The following CTNNA3 variants were observed in gnomAD, a reference collection of about 807,000 sequenced individuals.
CTNNA3 encodes the protein catenin alpha 3, also known as catenin alpha-3.
In CTNNA3, 76 loss-of-function variants were observed where a neutral mutation model predicts 95.7. The ratio of observed to expected loss-of-function variants is 0.79; its 90% CI spans 0.66 to 0.96. CTNNA3 has a LOEUF of 0.96. Ranked by LOEUF, CTNNA3 falls within the 40% of genes least tolerant of loss-of-function variation. CTNNA3 has a pLI of 0.00. For synonymous variants in CTNNA3, 431 were observed against 374.4 expected (o/e 1.15, Z -1.74); for missense variants, 1,191 against 1,089.8 (o/e 1.09, Z -1.31).
At chr10:67,219,509 T>C in intron 6 of CTNNA3, 98 bp downstream of exon 6, 2 of 1,349,362 alleles carry the variant, frequency 1.5e-6, no homozygotes, top group Non-Finnish European at 2.0e-6. Context: ...TTTTATTTTC[T>C]CATGCTCTAA....
chr10:67,437,372 T>G (rs1316420518), intron 5 of CTNNA3, among the ~76,000 whole-genome samples: 1 of 152,094 alleles, frequency 6.6e-6, no homozygotes, highest in Middle Eastern at 3.2e-3. Flanking sequence ...TGGTGCAGTG[T>G]ATACTGCTTG....
At chr10:66,352,512 G>A (rs1360851716) in intron 12 of CTNNA3, among the ~76,000 whole-genome samples, 1 of 152,108 alleles carries the variant, frequency 6.6e-6, no homozygotes, top group African/African-American at 2.4e-5. Context: ...GTGGTTCTCA[G>A]CACTGCATTG....
At position 65,920,303 on chromosome 10, in the gene CTNNA3, A is replaced by G. The variant is rs1554814598; in HGVS notation, c.*27T>C. ...GTGTGGTTAGGCAGGATTTTGTCAT[A>G]TAGGCACTATATGTAGAATAGTGGT... On this transcript the variant is annotated 3_prime_UTR_variant, in exon 18 of 18. Transcript: ENST00000433211. The G allele has an allele frequency of 6.3e-7, 1 of 1,583,816 alleles. No individual in the cohort carries two copies. Among genetic ancestry groups the G allele is most frequent in the Admixed American group, 1.7e-5 (1 of 57,664 alleles).
At chr10:67,031,596 G>A (rs114271977) in intron 7 of CTNNA3, among the ~76,000 whole-genome samples, 1,853 of 152,242 alleles carry the variant, frequency 0.012, 49 homozygotes, top group African/African-American at 0.043. Context: ...CAGCACTTTT[G>A]CAGAAGTCAG....
At chr10:67,720,477 T>G (rs985965279) in intron 1 of CTNNA3, among the ~76,000 whole-genome samples, 1 of 152,082 alleles carries the variant, frequency 6.6e-6, no homozygotes, top group East Asian at 1.9e-4. Context: ...TGGTATGTTT[T>G]TACAGTAGCT....
intron 12 of CTNNA3, among the ~76,000 whole-genome samples, chr10:66,303,724 C>A (rs59697768): frequency 0.023 from 3,443 of 152,088 alleles, 138 homozygotes; most frequent in African/African-American, 0.079. Flanking sequence ...AACCTCCTGT[C>A]CCCGGGTTCA....
At position 66,391,539 on chromosome 10, in the gene CTNNA3, T is replaced by C. The variant is rs1280869507; in HGVS notation, c.1532-12187A>G. On this transcript the variant is annotated intron_variant, in intron 11 of 17. Transcript: ENST00000433211. ...TGTGTATCTTTGTTCCACTTGCTATTAGTGTCGATCAGGATATTTTAAAAC... is the reference window on the plus strand; with the variant it reads ...TGTGTATCTTTGTTCCACTTGCTATCAGTGTCGATCAGGATATTTTAAAAC... Among the ~76,000 whole-genome samples the C allele has an allele frequency of 5.9e-5, 9 of 152,220 alleles. No homozygotes were observed. The East Asian group carries it at 1.7e-3, about 29-fold the overall frequency.
Position 66,413,123 on chromosome 10 carries a change from C to G in CTNNA3, c.1532-33771G>C, listed in dbSNP as rs150125091. 7.6e-4 allele frequency among the ~76,000 whole-genome samples: 115 copies of G among 152,190 alleles called. 2 individuals carry two copies. The East Asian group carries it at 0.02, about 26-fold the overall frequency. ...TCTATCTTGTAAATGCACAGACACACACACATTGTATACAGTTTTATGTAG... is the reference window on the plus strand; with the variant it reads ...TCTATCTTGTAAATGCACAGACACAGACACATTGTATACAGTTTTATGTAG... On this transcript the variant is annotated intron_variant, in intron 11 of 17. Transcript: ENST00000433211.
At chr10:67,114,454 TTATTAA>T (rs2131977724) in intron 7 of CTNNA3, among the ~76,000 whole-genome samples, 1 of 152,230 alleles carries the variant, frequency 6.6e-6, no homozygotes, top group Non-Finnish European at 1.5e-5. Context: ...TTTAATTGAA[TTATTAA>T]TATTAAAGCT....
intron 9 of CTNNA3, among the ~76,000 whole-genome samples, chr10:66,716,191 C>T (rs1025280117): frequency 5.3e-5 from 8 of 151,974 alleles, no homozygotes; most frequent in East Asian, 1.9e-4. Flanking sequence ...ATATACTTAT[C>T]GTGTACAAAT....
intron 5 of CTNNA3, among the ~76,000 whole-genome samples, chr10:67,283,634 T>C (rs1204845867): frequency 1.3e-5 from 2 of 152,110 alleles, no homozygotes; most frequent in African/African-American, 4.8e-5. Flanking sequence ...AAAGGTCAAA[T>C]CACATACTTG....
intron 13 of CTNNA3, among the ~76,000 whole-genome samples, chr10:66,280,088 T>A (rs952106214): frequency 6.6e-6 from 1 of 151,980 alleles, no homozygotes; most frequent in African/African-American, 2.4e-5. Flanking sequence ...CGTTTTCCTA[T>A]CAATTCCACT....
intron 17 of CTNNA3, among the ~76,000 whole-genome samples, chr10:65,936,274 C>T (rs1321358619): frequency 6.6e-6 from 1 of 151,966 alleles, no homozygotes; most frequent in African/African-American, 2.4e-5. Flanking sequence ...TAGTTAGGTG[C>T]AAAAGAGTTC....
intron 10 of CTNNA3, among the ~76,000 whole-genome samples, chr10:66,617,150 G>A: frequency 6.6e-6 from 1 of 151,842 alleles, no homozygotes; most frequent in African/African-American, 2.4e-5. Flanking sequence ...TATAATAAAG[G>A]TAACAAATTA....
chr10:66,602,430 A>G (rs1843962567), intron 10 of CTNNA3, among the ~76,000 whole-genome samples: 1 of 151,904 alleles, frequency 6.6e-6, no homozygotes, highest in Non-Finnish European at 1.5e-5. Flanking sequence ...TGAACCACCT[A>G]CAAGTCCAGG....
chr10:66,335,425 T>C (rs1268318508), intron 12 of CTNNA3, among the ~76,000 whole-genome samples: 1 of 152,130 alleles, frequency 6.6e-6, no homozygotes, highest in East Asian at 1.9e-4. Flanking sequence ...ATGTCCTTTC[T>C]GTTTGTTAGT....
At chr10:66,574,630 T>A (rs1379834849) in intron 10 of CTNNA3, among the ~76,000 whole-genome samples, 1 of 152,142 alleles carries the variant, frequency 6.6e-6, no homozygotes, top group Non-Finnish European at 1.5e-5. Context: ...TTGTTTTTTT[T>A]TCCCCTCTTT....
intron 7 of CTNNA3, chr10:66,928,160 T>C (rs769007703): frequency 6.2e-7 from 1 of 1,614,000 alleles, no homozygotes; most frequent in East Asian, 2.2e-5. Context: ...GCCGAGCACA[T>C]CTCTTTCCAT....
chr10:67,259,936 C>G lies in CTNNA3; in HGVS notation c.580-40066G>C, dbSNP rs143538084. On this transcript the variant is annotated intron_variant, in intron 5 of 17. Transcript: ENST00000433211. The stretch of plus-strand genomic sequence containing the variant: ...TGCCTAGGGCATGTAGTTTCATCAT[C>G]AAAATATAATTATCATACCATATAT... Among the ~76,000 whole-genome samples the G allele has an allele frequency of 5.6e-3, 846 of 152,232 alleles. 11 individuals carry two copies. The highest frequency in any genetic ancestry group is 0.019 in the African/African-American group (803 of 41,542).
Sources: gnomAD v4.1 joint callset for allele counts (sites outside exome capture counted in the v4.1 genomes callset) on GRCh38, gnomAD v4.1.1 for gene constraint, MANE v1.5 for transcripts, NCBI Gene and HGNC (gene_info 2026-07-23, HGNC 2026-07-21) for gene names.